RAP1GDS1: variants seen among roughly 807,000 people sequenced by gnomAD.
RAP1GDS1 encodes the protein Rap1 GTPase-GDP dissociation stimulator 1.
Under a neutral mutation model 71.1 loss-of-function variants are expected in RAP1GDS1, and 35 were observed. The ratio of observed to expected loss-of-function variants is 0.49; its 90% CI spans 0.38 to 0.65. The LOEUF is 0.65. RAP1GDS1 is among the 30% of genes least tolerant of loss of function. The probability of loss-of-function intolerance (pLI) is 0.00; values close to 1 mark genes in which losing one functional copy is unlikely to be tolerated. For missense variants in RAP1GDS1, 663 were observed against 706.1 expected (o/e 0.94, Z 0.69); for synonymous variants, 229 against 243.1 (o/e 0.94, Z 0.54).
At chr4:98,421,497 A>AT (rs1277876730) in intron 12 of RAP1GDS1, 103 bp downstream of exon 12, 45 of 1,213,728 alleles carry the variant, frequency 3.7e-5, no homozygotes, top group Non-Finnish European at 7.6e-6. Context: ...ACCTGAAAGT[A>AT]TTGTGAAGAT....
intron 7 of RAP1GDS1, among the ~76,000 whole-genome samples, chr4:98,411,314 C>T (rs1747034683): frequency 6.6e-6 from 1 of 152,154 alleles, no homozygotes; most frequent in African/African-American, 2.4e-5. Flanking sequence ...TATCTGTAAA[C>T]TTTAACATTG....
At chr4:98,302,234 A>G (rs924446512) in intron 2 of RAP1GDS1, among the ~76,000 whole-genome samples, 5 of 152,234 alleles carry the variant, frequency 3.3e-5, no homozygotes. Flanking sequence ...GCAGATATGA[A>G]GAGAAGAAAC....
chr4:98,369,497 T>C (rs1402323280), intron 4 of RAP1GDS1, among the ~76,000 whole-genome samples: 4 of 152,098 alleles, frequency 2.6e-5, no homozygotes, highest in Non-Finnish European at 1.5e-5. Context: ...ATAAAAGATA[T>C]AGCGGTATAT....
intron 12 of RAP1GDS1, among the ~76,000 whole-genome samples, chr4:98,426,167 T>A (rs1166328482): frequency 6.6e-6 from 1 of 152,162 alleles, no homozygotes; most frequent in African/African-American, 2.4e-5. Flanking sequence ...TTAAAAATTC[T>A]TTGAACTGAA....
chr4:98,352,357 T>G, intron 3 of RAP1GDS1, 119 bp from the exon 4 acceptor site: 1 of 1,080,560 alleles, frequency 9.3e-7, no homozygotes, highest in Non-Finnish European at 1.3e-6. Flanking sequence ...TTCAGCCACC[T>G]TTTCAAGGTG....
chr4:98,423,643 C>G (rs1264020816), intron 12 of RAP1GDS1, among the ~76,000 whole-genome samples: 1 of 152,078 alleles, frequency 6.6e-6, no homozygotes, highest in African/African-American at 2.4e-5. Context: ...CTCCCGGGAT[C>G]AAGTGATTCT....
In RAP1GDS1 at chr4:98,293,482, T is replaced by G. The variant is rs766746108; in HGVS notation, c.79T>G (p.Leu27Val). Reference sequence around the variant, plus strand: ...GACTGAGGATAGTTTAGAAGGATGCTTGGATTGTCTGCTTCAAGCCCTGGC... The same window carrying G: ...GACTGAGGATAGTTTAGAAGGATGCGTGGATTGTCTGCTTCAAGCCCTGGC... ...DKTEDSLEGC[L>V]DCLLQALAQN... The change falls in exon 2 of 15, where the codon TTG becomes GTG. Residue 27 changes from leucine (L) to valine (V), a missense_variant. Transcript: ENST00000408927. 1.9e-6 allele frequency: 3 copies of G among 1,609,678 alleles called. No homozygotes were observed. The highest frequency in any genetic ancestry group is 2.5e-6 in the Non-Finnish European group (3 of 1,178,406).
In RAP1GDS1 at chr4:98,433,937, A is replaced by T; in HGVS notation, c.1442A>T (p.Asp481Val). 1.9e-6 allele frequency: 3 copies of T among 1,601,192 alleles called. No homozygotes were observed. Among genetic ancestry groups the T allele is most frequent in the Non-Finnish European group, 2.6e-6 (3 of 1,168,920 alleles). Residue 481 changes from aspartate to valine, a missense_variant and splice_region_variant, in exon 13 of 15, where the codon GAT (aspartate) becomes GTT (valine). Physicochemically the swap from Asp to Val is radical, Grantham distance 152 (BLOSUM62 -3). Coordinates refer to ENST00000408927, the MANE Select transcript of RAP1GDS1 (RefSeq NM_001100427.2). The stretch of plus-strand genomic sequence containing the variant: ...ATTCTCTGATATTATTTATTGTAGG[A>T]TGTAATTAAAACCATTGTGCAGAGT... ...SALIRHSKSK[D>V]VIKTIVQSGG...
chr4:98,387,583 T>G (rs1560940958), intron 5 of RAP1GDS1: 2 of 390,022 alleles, frequency 5.1e-6, no homozygotes, highest in Non-Finnish European at 1.1e-5. Flanking sequence ...ACCCCCTCAG[T>G]GCCTTTCTTC....
intron 2 of RAP1GDS1, among the ~76,000 whole-genome samples, chr4:98,305,622 A>C (rs1159471118): frequency 6.6e-6 from 1 of 152,176 alleles, no homozygotes; most frequent in Non-Finnish European, 1.5e-5. Context: ...GATTAGTAAC[A>C]GAAACAAGAT....
chr4:98,412,464 A>G (rs1032490783), intron 7 of RAP1GDS1, among the ~76,000 whole-genome samples: 4 of 152,188 alleles, frequency 2.6e-5, no homozygotes, highest in African/African-American at 9.7e-5. Flanking sequence ...GCAGTGAGCT[A>G]TGATCATACC....
At chr4:98,387,104 A>G (rs1742881072) in intron 5 of RAP1GDS1, among the ~76,000 whole-genome samples, 1 of 152,170 alleles carries the variant, frequency 6.6e-6, no homozygotes, top group Admixed American at 6.6e-5. Context: ...AAGCCTGTAA[A>G]TGGCAATATC....
chr4:98,418,722 C>T lies in RAP1GDS1; in HGVS notation c.1105C>T (p.His369Tyr). The T allele has an allele frequency of 6.2e-7, 1 of 1,611,520 alleles. No homozygotes were observed. The highest frequency in any genetic ancestry group is 8.5e-7 in the Non-Finnish European group (1 of 1,179,034). ...AAAACTTATGGATTTACTGGACAGA[C>T]ATGTAGAAGATGGAAATGTAACAGT... The part of the protein sequence containing the change: ...VEKLMDLLDR[H>Y]VEDGNVTVQH... Residue 369 changes from histidine (H) to tyrosine (Y), a missense_variant, in exon 10 of 15, where the codon CAT (histidine) becomes TAT (tyrosine). His to Tyr is a moderately conservative substitution (Grantham distance 83). Transcript: ENST00000408927.
At position 98,355,795 on chromosome 4, in the gene RAP1GDS1, C is replaced by T. The variant is rs577632864; in HGVS notation, c.361+3194C>T. On this transcript the variant is annotated intron_variant, in intron 4 of 14. Coordinates refer to ENST00000408927, the MANE Select transcript of RAP1GDS1 (RefSeq NM_001100427.2). ...AGGAACTTTTCCTAATGGAAGAAAA[C>T]GGCCTTATATAATCCTGACATGAGG... is the stretch of plus-strand genomic sequence containing the variant. Among the ~76,000 whole-genome samples, 9 of 152,190 alleles carry T rather than the reference C, an allele frequency of 5.9e-5. No homozygotes were observed. In the East Asian group the frequency reaches 9.7e-4, roughly 16 times the overall value.
intron 1 of RAP1GDS1, among the ~76,000 whole-genome samples, chr4:98,279,438 T>G (rs1724726635): frequency 1.3e-5 from 2 of 151,800 alleles, no homozygotes; most frequent in South Asian, 4.2e-4. Flanking sequence ...GTATATAATT[T>G]CAGATAACTA....
At chr4:98,355,857 A>T (rs1325944658) in intron 4 of RAP1GDS1, among the ~76,000 whole-genome samples, 1 of 152,144 alleles carries the variant, frequency 6.6e-6, no homozygotes, top group Non-Finnish European at 1.5e-5. Context: ...GACGGAGTAA[A>T]GCTTTGTTGC....
chr4:98,311,839 A>G (rs1039899963), intron 2 of RAP1GDS1, among the ~76,000 whole-genome samples: 2 of 152,162 alleles, frequency 1.3e-5, no homozygotes, highest in Non-Finnish European at 2.9e-5. Context: ...GGGTCTCACT[A>G]TGTTGTCCAG....
chr4:98,371,208 G>A (rs1424022951), intron 4 of RAP1GDS1, among the ~76,000 whole-genome samples: 1 of 151,354 alleles, frequency 6.6e-6, no homozygotes, highest in Non-Finnish European at 1.5e-5. Context: ...CATCTCCCGG[G>A]TTCAAGTGAT....
intron 12 of RAP1GDS1, among the ~76,000 whole-genome samples, chr4:98,431,368 A>T (rs931787874): frequency 1.3e-5 from 2 of 152,264 alleles, no homozygotes; most frequent in African/African-American, 4.8e-5. Context: ...TGTGATCAAC[A>T]TGATACAGTT....
Sources: allele counts gnomAD v4.1 joint callset (sites outside exome capture counted in the v4.1 genomes callset), GRCh38; gene constraint gnomAD v4.1.1; transcripts MANE v1.5; gene names NCBI Gene and HGNC (gene_info 2026-07-23, HGNC 2026-07-21).